Variants in NME8 observed in about 807,000 individuals in gnomAD.
NME8 encodes protein NME8.
In NME8, 72 loss-of-function variants were observed where a neutral mutation model predicts 82.3. The observed-to-expected ratio is 0.87, with a 90% CI of 0.72 to 1.06. NME8 has a LOEUF of 1.06. NME8 is among the 50% of genes least tolerant of loss of function. The probability of loss-of-function intolerance (pLI) is 0.00; values close to 1 mark genes in which losing one functional copy is unlikely to be tolerated. For synonymous variants in NME8, 267 were observed against 228.5 expected (o/e 1.17, Z -1.52); for missense variants, 712 against 685.4 (o/e 1.04, Z -0.43).
chr7:37,865,014 C>T (rs1298955953), intron 9 of NME8, among the ~76,000 whole-genome samples: 3 of 152,134 alleles, frequency 2.0e-5, no homozygotes, highest in African/African-American at 7.2e-5. Flanking sequence ...GGTGAGATTT[C>T]GATAGGGACA....
At chr7:37,862,808 C>T (rs1192174319) in intron 7 of NME8, among the ~76,000 whole-genome samples, 1 of 152,032 alleles carries the variant, frequency 6.6e-6, no homozygotes, top group African/African-American at 2.4e-5. Context: ...CTTATTTTAT[C>T]TCCCATGCTC....
At chr7:37,876,216 CTATATATA>C (rs57828103) in intron 11 of NME8, among the ~76,000 whole-genome samples, 1 of 143,186 alleles carries the variant, frequency 7.0e-6, no homozygotes, top group African/African-American at 2.6e-5. Flanking sequence ...CAAAAAAACA[CTATATATA>C]TATATATAGA....
Position 37,876,939 on chromosome 7 carries a change from A to C in NME8, c.926A>C (p.Lys309Thr). Residue 309 changes from lysine (K) to threonine (T), a missense_variant, in exon 12 of 18, where the codon AAA becomes ACA. Coordinates refer to ENST00000199447, the MANE Select transcript of NME8 (RefSeq NM_016616.5). The stretch of plus-strand genomic sequence containing the variant: ...GATGCTTTCTTCCCCGATTTTAAAA[A>C]AATGAAAAGCATGAAATTAGAAAAG... The part of the protein sequence containing the change: ...FMDAFFPDFK[K>T]MKSMKLEKTL... 2 of 1,613,286 alleles carry C rather than the reference A, an allele frequency of 1.2e-6. No homozygotes were observed. The highest frequency in any genetic ancestry group is 2.2e-5 in the South Asian group (2 of 91,056).
chr7:37,894,381 C>G lies in NME8; in HGVS notation c.1400-85C>G, dbSNP rs10260487. The G allele has an allele frequency of 0.7, 962,894 of 1,383,182 alleles. 339,821 individuals carry two copies. Among genetic ancestry groups the G allele is most frequent in the Non-Finnish European group, 0.73 (711,477 of 975,848 alleles). 85.7% of individuals were successfully genotyped at this position (1,383,182 alleles called of 1,614,324 possible). A position where few individuals can be genotyped will look rare whatever the true frequency, so the allele number is the denominator to read the frequency against. On this transcript the variant is annotated intron_variant, in intron 15 of 17. Coordinates refer to ENST00000199447, the MANE Select transcript of NME8 (RefSeq NM_016616.5). ...AACCACAATATGCAAATTAAACTAT[C>G]ATTTTCCTTAGTTATTTCAGTCTAC...
Position 37,850,297 on chromosome 7 carries a change from C to T in NME8, c.31C>T (p.Gln11Ter), listed in dbSNP as rs369098657. Reference protein sequence around the residue: MASKKREVQLQTVINNQSLWD... With the variant: MASKKREVQL ...AAGCAAAAAACGAGAAGTCCAGTTA[C>T]AGGTGGGTCTGACATATCAACAATT... Residue 11 changes from glutamine to a stop codon, truncating the protein, a stop_gained and splice_region_variant, in exon 3 of 18, where the codon CAG becomes TAG. Coordinates refer to ENST00000199447, the MANE Select transcript of NME8 (RefSeq NM_016616.5). LOFTEE classifies it high-confidence loss of function. The T allele has an allele frequency of 1.2e-6, 2 of 1,614,124 alleles. No homozygotes were observed. Among genetic ancestry groups the T allele is most frequent in the South Asian group, 1.1e-5 (1 of 91,086 alleles).
intron 5 of NME8, among the ~76,000 whole-genome samples, chr7:37,853,703 C>T (rs975330042): frequency 2.0e-5 from 3 of 152,008 alleles, no homozygotes; most frequent in African/African-American, 7.2e-5. Context: ...TGCCCTCTGC[C>T]GGACATATTG....
chr7:37,897,267 C>G (rs1428511078), intron 17 of NME8, among the ~76,000 whole-genome samples, 160 bp downstream of exon 17: 1 of 152,128 alleles, frequency 6.6e-6, no homozygotes, highest in East Asian at 1.9e-4. Context: ...GCCACACAGC[C>G]TCAAAGCTGA....
At chr7:37,864,764 A>G (rs1031019966) in intron 9 of NME8, among the ~76,000 whole-genome samples, 3 of 152,230 alleles carry the variant, frequency 2.0e-5, no homozygotes, top group African/African-American at 4.8e-5. Context: ...ACAGTTCCAC[A>G]TGGCTGGGGA....
intron 5 of NME8, among the ~76,000 whole-genome samples, chr7:37,851,238 C>T (rs867631711): frequency 2.6e-5 from 4 of 152,180 alleles, no homozygotes; most frequent in Admixed American, 6.5e-5. Context: ...AAATGATCAA[C>T]TAATTAGAAT....
chr7:37,888,560 T>C, intron 15 of NME8, 132 bp downstream of exon 15: 3 of 728,204 alleles, frequency 4.1e-6, no homozygotes, highest in Non-Finnish European at 6.9e-6. Context: ...TGAGTACTCC[T>C]ATCCTTCATT....
At chr7:37,871,755 CAGT>C (rs1032490379) in intron 11 of NME8, among the ~76,000 whole-genome samples, 1 of 152,148 alleles carries the variant, frequency 6.6e-6, no homozygotes, top group Admixed American at 6.5e-5. Context: ...ATTCTCTTCT[CAGT>C]AGCCTCTCTA....
At chr7:37,849,406 C>T (rs1303249241) in intron 2 of NME8, among the ~76,000 whole-genome samples, 1 of 152,136 alleles carries the variant, frequency 6.6e-6, no homozygotes, top group Non-Finnish European at 1.5e-5. Context: ...TAACTCCTAA[C>T]ATTCTTACCT....
At chr7:37,886,458 C>G (rs1785041740) in intron 14 of NME8, among the ~76,000 whole-genome samples, 1 of 152,172 alleles carries the variant, frequency 6.6e-6, no homozygotes, top group Non-Finnish European at 1.5e-5. Context: ...TTGGCTCCAC[C>G]CACCACTTAC....
chr7:37,876,223 T>TAG (rs1220358642), intron 11 of NME8, among the ~76,000 whole-genome samples: 81 of 133,508 alleles, frequency 6.1e-4, no homozygotes, highest in African/African-American at 2.0e-3. Flanking sequence ...ACACTATATA[T>TAG]ATATATATAG....
At chr7:37,872,304 C>T (rs1009747538) in intron 11 of NME8, among the ~76,000 whole-genome samples, 1 of 152,138 alleles carries the variant, frequency 6.6e-6, no homozygotes, top group African/African-American at 2.4e-5. Context: ...GGTCATCTTG[C>T]CTTCCAACTA....
intron 5 of NME8, among the ~76,000 whole-genome samples, chr7:37,855,133 A>G (rs1784493109): frequency 6.6e-6 from 1 of 152,130 alleles, no homozygotes; most frequent in Non-Finnish European, 1.5e-5. Context: ...TTTGGAGACA[A>G]GTAGATCATT....
In NME8 at chr7:37,884,340, A is replaced by G; in HGVS notation, c.1032A>G (p.Lys344=). Reference sequence around the variant, plus strand: ...GTATTATTAAAGATGAAGACTTCAAAATACTGGAGCAAAGACAAGTAGTAT... The same window carrying G: ...GTATTATTAAAGATGAAGACTTCAAGATACTGGAGCAAAGACAAGTAGTAT... ...VLRIIKDEDF[K]ILEQRQVVLS... The change falls in exon 13 of 18, where the codon AAA becomes AAG. Residue 344 remains lysine, a synonymous_variant. Coordinates refer to ENST00000199447, the MANE Select transcript of NME8 (RefSeq NM_016616.5). 1 of 1,598,902 alleles carries G rather than the reference A, an allele frequency of 6.3e-7. No individual in the cohort carries two copies. The highest frequency in any genetic ancestry group is 8.6e-7 in the Non-Finnish European group (1 of 1,166,204).
At chr7:37,860,399 A>G (rs1454939944) in intron 6 of NME8, among the ~76,000 whole-genome samples, 1 of 152,174 alleles carries the variant, frequency 6.6e-6, no homozygotes, top group Non-Finnish European at 1.5e-5. Context: ...ACCAGCCTGT[A>G]CTAAGTATAA....
intron 11 of NME8, among the ~76,000 whole-genome samples, chr7:37,870,339 C>T (rs1025086591): frequency 2.6e-5 from 4 of 151,608 alleles, no homozygotes; most frequent in Non-Finnish European, 4.4e-5. Context: ...GCTTGTAATC[C>T]CAGCACTTTG....
Sources: allele counts gnomAD v4.1 joint callset (sites outside exome capture counted in the v4.1 genomes callset), GRCh38; gene constraint gnomAD v4.1.1; transcripts MANE v1.5; gene names NCBI Gene and HGNC (gene_info 2026-07-23, HGNC 2026-07-21).